SLC1A2: variants seen among roughly 807,000 people sequenced by gnomAD.
SLC1A2 encodes the protein excitatory amino acid transporter 2.
A neutral mutation model predicts 48.8 loss-of-function variants in SLC1A2; 15 were observed. The observed-to-expected ratio is 0.31, with a 90% CI of 0.21 to 0.47. SLC1A2 has a LOEUF of 0.47. Among genes scored for constraint, SLC1A2 ranks in the 20% least tolerant of loss-of-function variants. The pLI is 0.99. For missense variants in SLC1A2, 502 were observed against 730.5 expected (o/e 0.69, Z 3.61); for synonymous variants, 279 against 272.6 (o/e 1.02, Z -0.23).
chr11:35,359,405 CT>C (rs1853599180), intron 1 of SLC1A2, among the ~76,000 whole-genome samples: 2 of 152,196 alleles, frequency 1.3e-5, no homozygotes, highest in Admixed American at 1.3e-4. Flanking sequence ...ACCTGCTATA[CT>C]GCAGAGAAAA....
intron 1 of SLC1A2, among the ~76,000 whole-genome samples, chr11:35,336,747 T>C (rs1852647968): frequency 6.6e-6 from 1 of 152,214 alleles, no homozygotes; most frequent in African/African-American, 2.4e-5. Context: ...CCAATTCAAA[T>C]ACTCCATCCT....
At chr11:35,395,158 TGGAG>T (rs1854912377) in intron 1 of SLC1A2, among the ~76,000 whole-genome samples, 1 of 151,864 alleles carries the variant, frequency 6.6e-6, no homozygotes, top group Admixed American at 6.6e-5. Context: ...GTTTGCCCCG[TGGAG>T]GACTGAAAGA....
intron 1 of SLC1A2, among the ~76,000 whole-genome samples, chr11:35,332,730 C>T (rs1032517487): frequency 1.3e-5 from 2 of 152,172 alleles, no homozygotes; most frequent in African/African-American, 4.8e-5. Context: ...CTGCCCTGAA[C>T]ACACACTCAG....
In SLC1A2 at chr11:35,293,137, T is replaced by A. The variant is rs375208932; in HGVS notation, c.858-617A>T. 7.6e-4 allele frequency among the ~76,000 whole-genome samples: 116 copies of A among 152,332 alleles called. No homozygotes were observed. The South Asian group carries it at 0.019, about 25-fold the overall frequency. Reference sequence around the variant, plus strand: ...GCTACTTTCATTTTGTTTTAAGCACTATGGTGAGAGCTGCACACCCATTCC... The same window carrying A: ...GCTACTTTCATTTTGTTTTAAGCACAATGGTGAGAGCTGCACACCCATTCC... On this transcript the variant is annotated intron_variant, in intron 6 of 10. Transcript: ENST00000278379.
intron 1 of SLC1A2, among the ~76,000 whole-genome samples, chr11:35,369,640 C>T (rs948170864): frequency 2.6e-5 from 4 of 152,220 alleles, no homozygotes; most frequent in African/African-American, 9.7e-5. Flanking sequence ...ATACACATCC[C>T]TAAAAAGAAC....
intron 6 of SLC1A2, among the ~76,000 whole-genome samples, chr11:35,294,766 C>A (rs1481968534): frequency 6.6e-6 from 1 of 152,130 alleles, no homozygotes; most frequent in Admixed American, 6.6e-5. Flanking sequence ...TGCATTTGGG[C>A]CACAGACAGA....
chr11:35,291,999 T>A (rs1247336217), intron 7 of SLC1A2: 1 of 362,416 alleles, frequency 2.8e-6, no homozygotes, highest in Non-Finnish European at 5.0e-6. Context: ...AACTAATGAT[T>A]TAAGTGGCAA....
chr11:35,263,158 G>A (rs1950420340), intron 10 of SLC1A2, among the ~76,000 whole-genome samples: 1 of 152,154 alleles, frequency 6.6e-6, no homozygotes, highest in Non-Finnish European at 1.5e-5. Flanking sequence ...GCTTGAAATA[G>A]TTTGCTTTAA....
At chr11:35,288,457 C>T (rs1175064741) in intron 7 of SLC1A2, among the ~76,000 whole-genome samples, 1 of 152,120 alleles carries the variant, frequency 6.6e-6, no homozygotes, top group African/African-American at 2.4e-5. Context: ...GTCAGTGTCC[C>T]TTTCTTCCTC....
At chr11:35,317,609 T>C (rs570618194) in intron 1 of SLC1A2, 93 bp from the exon 2 acceptor site, 8 of 1,432,122 alleles carry the variant, frequency 5.6e-6, no homozygotes, top group South Asian at 2.6e-5. Flanking sequence ...CCAGGCACAG[T>C]TGGAATCTGG....
intron 1 of SLC1A2, among the ~76,000 whole-genome samples, chr11:35,339,739 A>G (rs970676887): frequency 1.3e-5 from 2 of 152,170 alleles, no homozygotes; most frequent in Admixed American, 6.5e-5. Context: ...AAATATATAC[A>G]TGTATAATTG....
intron 1 of SLC1A2, among the ~76,000 whole-genome samples, chr11:35,389,879 T>C (rs1854707363): frequency 6.6e-6 from 1 of 152,158 alleles, no homozygotes; most frequent in Non-Finnish European, 1.5e-5. Flanking sequence ...TCCCAGAGTG[T>C]TGGATTACAA....
chr11:35,364,728 A>G (rs1290633019), intron 1 of SLC1A2, among the ~76,000 whole-genome samples: 2 of 152,218 alleles, frequency 1.3e-5, no homozygotes, highest in African/African-American at 2.4e-5. Flanking sequence ...CACCCCCATG[A>G]TGGTGCCTGG....
intron 1 of SLC1A2, chr11:35,352,304 T>C (rs7127824): frequency 0.77 from 117,618 of 152,226 alleles, 45,720 homozygotes; most frequent in East Asian, 0.92. Context: ...GCTTCTGATG[T>C]TGAGTGAAGA....
chr11:35,396,618 T>C (rs1486070199), intron 1 of SLC1A2, among the ~76,000 whole-genome samples: 5 of 152,170 alleles, frequency 3.3e-5, no homozygotes, highest in African/African-American at 1.2e-4. Context: ...TTTCTCCCAT[T>C]TTTTAGGTTG....
In SLC1A2 at chr11:35,274,049, G is replaced by A. The variant is rs1054047499; in HGVS notation, c.1421+6818C>T. Among the ~76,000 whole-genome samples, 6 of 152,164 alleles carry A rather than the reference G, an allele frequency of 3.9e-5. 1 individual carries two copies. Among genetic ancestry groups the A allele is most frequent in the Non-Finnish European group, 1.5e-5 (1 of 68,016 alleles). On this transcript the variant is annotated intron_variant, in intron 9 of 10. Transcript: ENST00000278379. ...GAGTCCCAAGGGGAAATTCCCAGGG[G>A]TGGGGAATACTAAAAGATTTTTTAG...
intron 1 of SLC1A2, among the ~76,000 whole-genome samples, chr11:35,401,292 G>C (rs746674467): frequency 6.6e-6 from 1 of 152,192 alleles, no homozygotes; most frequent in Non-Finnish European, 1.5e-5. Flanking sequence ...CTACAGAAGG[G>C]AGATTTTCCC....
chr11:35,301,285 G>A (rs895710720), intron 6 of SLC1A2, among the ~76,000 whole-genome samples: 3 of 152,112 alleles, frequency 2.0e-5, no homozygotes, highest in African/African-American at 4.8e-5. Context: ...TTCTCAACTC[G>A]CTGGCCATAT....
intron 1 of SLC1A2, among the ~76,000 whole-genome samples, chr11:35,379,512 C>T (rs1044052101): frequency 5.3e-5 from 8 of 152,216 alleles, no homozygotes; most frequent in Non-Finnish European, 7.3e-5. Flanking sequence ...CGGGAGAGAT[C>T]ACCTAGCAAT....
Sources: gnomAD v4.1 joint callset for allele counts (sites outside exome capture counted in the v4.1 genomes callset) on GRCh38, gnomAD v4.1.1 for gene constraint, MANE v1.5 for transcripts, NCBI Gene and HGNC (gene_info 2026-07-23, HGNC 2026-07-21) for gene names.